The following PLSCR1 variants were observed in gnomAD, a reference collection of about 807,000 sequenced individuals.
PLSCR1 encodes the protein phospholipid scramblase 1, also known as PL scramblase 1.
Under a neutral mutation model 37.8 loss-of-function variants are expected in PLSCR1, and 17 were observed. The ratio of observed to expected loss-of-function variants is 0.45; its 90% CI spans 0.31 to 0.68. The LOEUF is 0.68. Among genes scored for constraint, PLSCR1 ranks in the 30% least tolerant of loss-of-function variants. The pLI, the probability that PLSCR1 is intolerant of heterozygous loss-of-function variation, is 0.06. For missense variants in PLSCR1, 347 were observed against 380.9 expected (o/e 0.91, Z 0.74); for synonymous variants, 116 against 125.9 (o/e 0.92, Z 0.53).
chr3:146,543,485 C>A (rs566711774), intron 1 of PLSCR1, among the ~76,000 whole-genome samples: 97 of 152,268 alleles, frequency 6.4e-4, no homozygotes, highest in Non-Finnish European at 1.3e-3. Flanking sequence ...AGAAGGGAGC[C>A]CCCAAACTGT....
intron 3 of PLSCR1, among the ~76,000 whole-genome samples, chr3:146,529,793 G>T (rs557754948): frequency 6.6e-6 from 1 of 152,124 alleles, no homozygotes; most frequent in Non-Finnish European, 1.5e-5. Flanking sequence ...GATTACAGGC[G>T]TGAGCCACCG....
chr3:146,518,957 A>G (rs1027665389), intron 7 of PLSCR1, among the ~76,000 whole-genome samples: 1 of 152,226 alleles, frequency 6.6e-6, no homozygotes, highest in Admixed American at 6.5e-5. Context: ...CTCACAATGC[A>G]AATATAAATG....
chr3:146,532,852 T>G (rs892191183), intron 3 of PLSCR1, among the ~76,000 whole-genome samples: 1 of 152,122 alleles, frequency 6.6e-6, no homozygotes, highest in Non-Finnish European at 1.5e-5. Flanking sequence ...AAAGAAAAAA[T>G]GTACTCAATT....
At chr3:146,520,901 T>A (rs959982766) in intron 7 of PLSCR1, among the ~76,000 whole-genome samples, 3 of 152,154 alleles carry the variant, frequency 2.0e-5, no homozygotes, top group African/African-American at 7.2e-5. Flanking sequence ...ACATTTGCAA[T>A]GAAAAAATTT....
intron 2 of PLSCR1, among the ~76,000 whole-genome samples, chr3:146,535,817 A>T (rs2044258518): frequency 6.6e-6 from 1 of 152,186 alleles, no homozygotes; most frequent in South Asian, 2.1e-4. Context: ...CTAGTCCTGG[A>T]GATTATTTCA....
rs1261766719 is a variant in PLSCR1, at chr3:146,521,568, G to A, written c.714C>T (p.Ser238=). ...CCTCAAAATCAACATCTCCACAACA[G>A]CTGCACACAACACATGGACCACTTA... ...LKISGPCVVC[S]CCGDVDFEIK... Residue 238 remains serine, a synonymous_variant, in exon 7 of 9, where the codon AGC becomes AGT. Transcript: ENST00000342435. The A allele has an allele frequency of 2.5e-6, 4 of 1,613,602 alleles. No individual in the cohort carries two copies. Among genetic ancestry groups the A allele is most frequent in the Non-Finnish European group, 2.5e-6 (3 of 1,179,796 alleles).
chr3:146,522,758 C>T (rs2044044793), intron 5 of PLSCR1, among the ~76,000 whole-genome samples: 1 of 152,182 alleles, frequency 6.6e-6, no homozygotes, highest in African/African-American at 2.4e-5. Flanking sequence ...AGGTATCTGT[C>T]TCCTGCTCGT....
chr3:146,528,934 G>A, intron 3 of PLSCR1, 103 bp from the exon 4 acceptor site: 1 of 757,800 alleles, frequency 1.3e-6, no homozygotes, highest in African/African-American at 1.8e-5. Flanking sequence ...TTTCAGCGTA[G>A]ACATCTGTAT....
chr3:146,537,909 T>A (rs2044287680), intron 1 of PLSCR1: 1 of 152,220 alleles, frequency 6.6e-6, no homozygotes, highest in Non-Finnish European at 1.5e-5. Context: ...TTTGTTTTGA[T>A]TATTGCCAAC....
At chr3:146,526,218 AAG>A (rs1291470526) in intron 4 of PLSCR1, among the ~76,000 whole-genome samples, 4 of 151,028 alleles carry the variant, frequency 2.6e-5, no homozygotes, top group African/African-American at 9.7e-5. Flanking sequence ...AGAAAAAAAA[AAG>A]AAAAGAAAAT....
At chr3:146,521,258 T>C (rs977264443) in intron 7 of PLSCR1, among the ~76,000 whole-genome samples, 4 of 152,160 alleles carry the variant, frequency 2.6e-5, no homozygotes, top group African/African-American at 9.7e-5. Context: ...ATGGATAATA[T>C]ACAGTGTCAT....
At chr3:146,521,445 G>T in intron 7 of PLSCR1, 99 bp downstream of exon 7, 1 of 998,690 alleles carries the variant, frequency 1.0e-6, no homozygotes, top group Non-Finnish European at 1.5e-6. Flanking sequence ...TTGAGACATT[G>T]GCACACAACA....
At chr3:146,518,634 C>T (rs972105536) in intron 7 of PLSCR1, among the ~76,000 whole-genome samples, 2 of 152,008 alleles carry the variant, frequency 1.3e-5, no homozygotes, top group Non-Finnish European at 2.9e-5. Context: ...TACTAGCCAC[C>T]GTAAACTCAA....
intron 1 of PLSCR1, among the ~76,000 whole-genome samples, chr3:146,542,502 C>T (rs576012055): frequency 1.3e-5 from 2 of 152,304 alleles, no homozygotes; most frequent in South Asian, 2.1e-4. Context: ...TTAAGCAACA[C>T]ATGATTATGT....
At chr3:146,523,042 G>A (rs1239751333) in intron 5 of PLSCR1, among the ~76,000 whole-genome samples, 4 of 152,190 alleles carry the variant, frequency 2.6e-5, no homozygotes, top group South Asian at 2.1e-4. Flanking sequence ...GGAAACGCCC[G>A]ATAATGATCA....
At chr3:146,531,015 T>G (rs1408583959) in intron 3 of PLSCR1, among the ~76,000 whole-genome samples, 6 of 152,220 alleles carry the variant, frequency 3.9e-5, no homozygotes, top group African/African-American at 1.4e-4. Flanking sequence ...AATTAATTGA[T>G]TCATTAGAAT....
At chr3:146,539,422 C>T (rs2044308994) in intron 1 of PLSCR1, among the ~76,000 whole-genome samples, 1 of 152,224 alleles carries the variant, frequency 6.6e-6, no homozygotes, top group Admixed American at 6.5e-5. Context: ...TCCTAACAGG[C>T]CACAGACTGG....
At chr3:146,536,301 G>A (rs1208536185) in intron 2 of PLSCR1, among the ~76,000 whole-genome samples, 1 of 152,102 alleles carries the variant, frequency 6.6e-6, no homozygotes, top group Admixed American at 6.6e-5. Context: ...AATAAATCTA[G>A]CATTTCTTAG....
At chr3:146,530,837 G>C (rs1476164025) in intron 3 of PLSCR1, among the ~76,000 whole-genome samples, 2 of 152,172 alleles carry the variant, frequency 1.3e-5, no homozygotes, top group Non-Finnish European at 2.9e-5. Flanking sequence ...AGGAATTTAA[G>C]CAGAAGAATG....
Sources: gnomAD v4.1 joint callset for allele counts (sites outside exome capture counted in the v4.1 genomes callset) on GRCh38, gnomAD v4.1.1 for gene constraint, MANE v1.5 for transcripts, NCBI Gene and HGNC (gene_info 2026-07-23, HGNC 2026-07-21) for gene names.